Variants in DOCK10 observed in about 807,000 individuals in gnomAD.
DOCK10 encodes dedicator of cytokinesis 10.
Under a neutral mutation model 280.1 loss-of-function variants are expected in DOCK10, and 145 were observed. The ratio of observed to expected loss-of-function variants is 0.52; its 90% confidence interval spans 0.45 to 0.59. The LOEUF (loss-of-function observed/expected upper bound fraction) is 0.59. Ranked by LOEUF, DOCK10 falls within the 20% of genes least tolerant of loss-of-function variation. The probability of loss-of-function intolerance (pLI) is 0.00; values close to 1 mark genes in which losing one functional copy is unlikely to be tolerated. For synonymous variants in DOCK10, 915 were observed against 942.2 expected (o/e 0.97, Z 0.53); for missense variants, 2,368 against 2,651.7 (o/e 0.89, Z 2.35).
intron 1 of DOCK10, among the ~76,000 whole-genome samples, chr2:224,951,234 T>C (rs1246722874): frequency 6.6e-6 from 1 of 152,224 alleles, no homozygotes; most frequent in East Asian, 1.9e-4. Context: ...CCTGGAGTTG[T>C]GAACAAAATA....
intron 55 of DOCK10, among the ~76,000 whole-genome samples, chr2:224,766,891 T>G (rs917470402): frequency 2.0e-5 from 3 of 152,206 alleles, no homozygotes; most frequent in African/African-American, 7.2e-5. Context: ...CAAACTACTT[T>G]ACCTCAACAT....
At chr2:224,957,425 G>A (rs1704115713) in intron 1 of DOCK10, among the ~76,000 whole-genome samples, 1 of 152,002 alleles carries the variant, frequency 6.6e-6, no homozygotes, top group Non-Finnish European at 1.5e-5. Flanking sequence ...TGAGTAGCTG[G>A]GATTACAAAT....
intron 1 of DOCK10, among the ~76,000 whole-genome samples, chr2:224,956,524 T>TG (rs1704044859): frequency 6.7e-6 from 1 of 149,274 alleles, no homozygotes; most frequent in African/African-American, 2.5e-5. Flanking sequence ...CTCAGGAGCC[T>TG]GAGGCAGGAG....
At chr2:224,871,449 C>T (rs768402286) in intron 11 of DOCK10, among the ~76,000 whole-genome samples, 35 of 152,164 alleles carry the variant, frequency 2.3e-4, no homozygotes, top group Non-Finnish European at 4.3e-4. Context: ...ATGCAATAAA[C>T]GGTGGTAGTA....
intron 1 of DOCK10, among the ~76,000 whole-genome samples, chr2:224,992,335 A>T (rs1179254330): frequency 6.6e-6 from 1 of 152,220 alleles, no homozygotes; most frequent in Non-Finnish European, 1.5e-5. Context: ...CAAACATGAA[A>T]ATGGCAGTCT....
At chr2:224,977,269 C>T (rs1705496588) in intron 1 of DOCK10, among the ~76,000 whole-genome samples, 1 of 151,904 alleles carries the variant, frequency 6.6e-6, no homozygotes, top group Admixed American at 6.6e-5. Flanking sequence ...AGTTTTTTTT[C>T]ACTTTTGAGT....
chr2:224,897,870 T>C (rs1042917342), intron 3 of DOCK10, among the ~76,000 whole-genome samples: 40 of 152,236 alleles, frequency 2.6e-4, no homozygotes, highest in Non-Finnish European at 7.3e-5. Flanking sequence ...GTACTGATCA[T>C]AGATCTGTAA....
At chr2:224,939,428 T>C (rs776929739) in intron 1 of DOCK10, among the ~76,000 whole-genome samples, 4 of 152,232 alleles carry the variant, frequency 2.6e-5, no homozygotes, top group South Asian at 2.1e-4. Context: ...AATTCACACA[T>C]TTTTGTATAG....
chr2:224,886,896 A>ACC (rs1350872410), intron 4 of DOCK10, among the ~76,000 whole-genome samples: 4 of 130,246 alleles, frequency 3.1e-5, no homozygotes, highest in African/African-American at 1.3e-4. Flanking sequence ...ACACCCCCCC[A>ACC]AGTAGTACCT....
chr2:224,959,853 GACTTCAGTAGTCATTGCC>G (rs1704263768), intron 1 of DOCK10, among the ~76,000 whole-genome samples: 1 of 152,158 alleles, frequency 6.6e-6, no homozygotes, highest in African/African-American at 2.4e-5. Context: ...TCTTTGGGTT[GACTTCAGTAGTCATTGCC>G]AAGACTGAGT....
chr2:224,932,271 G>A (rs10180380), intron 1 of DOCK10, among the ~76,000 whole-genome samples: 35,037 of 152,034 alleles, frequency 0.23, 4,533 homozygotes, highest in Non-Finnish European at 0.28. Context: ...TGATGAAAAT[G>A]GATAAGTGAA....
chr2:224,767,167 A>G (rs1690120433), intron 55 of DOCK10, among the ~76,000 whole-genome samples: 1 of 114,304 alleles, frequency 8.7e-6, no homozygotes, highest in African/African-American at 4.0e-5. Flanking sequence ...AACAGCAATC[A>G]TGTAGTTTTT....
intron 39 of DOCK10, 115 bp downstream of exon 39, chr2:224,803,993 TAGAA>T: frequency 1.7e-6 from 1 of 586,420 alleles, no homozygotes; most frequent in Non-Finnish European, 2.9e-6. Flanking sequence ...AATATATAAA[TAGAA>T]ATATGTGTGT....
At chr2:225,035,575 T>C (rs1407481959) in intron 1 of DOCK10, among the ~76,000 whole-genome samples, 1 of 89,584 alleles carries the variant, frequency 1.1e-5, no homozygotes, top group African/African-American at 4.8e-5. Flanking sequence ...TATATATATA[T>C]ATATATATAT....
intron 50 of DOCK10, among the ~76,000 whole-genome samples, chr2:224,785,364 C>G (rs1218533847): frequency 6.6e-6 from 1 of 151,960 alleles, no homozygotes; most frequent in East Asian, 1.9e-4. Context: ...TCTCCACTAT[C>G]CTGATATTCC....
intron 3 of DOCK10, among the ~76,000 whole-genome samples, chr2:224,896,654 T>C (rs1247675812): frequency 6.6e-6 from 1 of 152,022 alleles, no homozygotes; most frequent in Admixed American, 6.6e-5. Context: ...GAGGTGGAGG[T>C]TGCAGTGAGC....
chr2:224,767,095 G>A (rs533550297), intron 55 of DOCK10, among the ~76,000 whole-genome samples: 21 of 152,202 alleles, frequency 1.4e-4, no homozygotes, highest in African/African-American at 2.6e-4. Context: ...TTAATCATGG[G>A]GCCTTTACCC....
Position 224,853,068 on chromosome 2 carries a change from G to C in DOCK10, c.1943C>G (p.Thr648Arg). 6.2e-7 allele frequency: 1 copy of C among 1,609,768 alleles called. No homozygotes were observed. The highest frequency in any genetic ancestry group is 8.5e-7 in the Non-Finnish European group (1 of 1,177,176). Residue 648 changes from threonine (T) to arginine (R), a missense_variant, in exon 17 of 56, where the codon ACA becomes AGA. Physicochemically the swap from Thr to Arg is moderately conservative, Grantham distance 71. This residue lies in a region of DOCK10 where 1,209 missense variants were observed against 1,250.9 expected (regional missense o/e 0.97). Coordinates refer to ENST00000258390, the MANE Select transcript of DOCK10 (RefSeq NM_014689.3). ...TTCTTCCACCTCCACTGTGGGTTCT[G>C]TTTGAGCCATCATGTTGAAAGGCTT... is the stretch of plus-strand genomic sequence containing the variant. The part of the protein sequence containing the change: ...PVKPFNMMAQ[T>R]EPTVEVEEFV...
At chr2:224,967,379 C>T (rs183263589) in intron 1 of DOCK10, among the ~76,000 whole-genome samples, 58 of 152,326 alleles carry the variant, frequency 3.8e-4, no homozygotes, top group Middle Eastern at 3.4e-3. Flanking sequence ...CGCGCCCAGC[C>T]GGCCTATCCT....
Sources: gnomAD v4.1 joint callset for allele counts (sites outside exome capture counted in the v4.1 genomes callset) on GRCh38, gnomAD v4.1.1 for gene constraint, gnomAD v4.1.1 regional missense constraint, MANE v1.5 for transcripts, NCBI Gene and HGNC (gene_info 2026-07-23, HGNC 2026-07-21) for gene names.